Variants in DNAJC16 observed in about 807,000 individuals in gnomAD.
DNAJC16 encodes the protein DnaJ heat shock protein family (Hsp40) member C16.
DNAJC16 carries 76 observed loss-of-function variants against 92.7 expected under a neutral mutation model. That is an observed-to-expected ratio of 0.82 (90% CI 0.68 to 0.99). DNAJC16 has a LOEUF of 0.99. Among genes scored for constraint, DNAJC16 ranks in the 50% least tolerant of loss-of-function variants. The pLI, the probability that DNAJC16 is intolerant of heterozygous loss-of-function variation, is 0.00. For synonymous variants in DNAJC16, 328 were observed against 358.7 expected, an observed-to-expected ratio of 0.91 and a Z score of 0.97; for missense variants, 869 against 942.4, an observed-to-expected ratio of 0.92 and a Z score of 1.02.
Position 15,529,172 on chromosome 1 carries a change from C to G in DNAJC16, c.67C>G (p.Leu23Val), listed in dbSNP as rs1450047499. ...LIVLVLILQI[L>V]SALDFDPYRV... ...AGTTCTGGTTCTGATCCTGCAAATT[C>G]TGTCTGCGTTGGATTTTGACCCATA... Residue 23 changes from leucine to valine, a missense_variant, in exon 2 of 15, where the codon CTG (leucine) becomes GTG (valine). Transcript: ENST00000375847. 6.2e-7 allele frequency: 1 copy of G among 1,614,092 alleles called. No homozygotes were observed. The highest frequency in any genetic ancestry group is 1.1e-5 in the South Asian group (1 of 91,080).
In DNAJC16 at chr1:15,530,346, C is replaced by CAA. The variant is rs397798733; in HGVS notation, c.167+1084_167+1085dup. 1.6e-3 allele frequency among the ~76,000 whole-genome samples: 238 copies of CAA among 148,298 alleles called. 1 individual carries two copies. The South Asian group carries it at 0.023, about 14-fold the overall frequency. ...CTGGGCAACAGAGTGAGACCCGTCT[C>CAA]AAAAAAAAAAACTTACAGAAAATTG... On this transcript the variant is annotated intron_variant, in intron 2 of 14. Coordinates refer to ENST00000375847, the MANE Select transcript of DNAJC16 (RefSeq NM_015291.4).
chr1:15,536,378 CTGCATTTAT>C (rs1390899571), intron 3 of DNAJC16, 88 bp from the exon 4 acceptor site: 1 of 1,027,442 alleles, frequency 9.7e-7, no homozygotes, highest in South Asian at 1.8e-5. Context: ...CCACGACTGG[CTGCATTTAT>C]TTTCTTCCTA....
Position 15,536,646 on chromosome 1 carries a change from G to A in DNAJC16, c.406G>A (p.Asp136Asn). Residue 136 changes from aspartate (D) to asparagine (N), a missense_variant, in exon 4 of 15, where the codon GAC (aspartate) becomes AAC (asparagine). Transcript: ENST00000375847. ...CTTCCCTTTTAATTCTGAACGGCGGGACTCAATTGACGAAAAGTATTTATT... is the reference window on the plus strand; with the variant it reads ...CTTCCCTTTTAATTCTGAACGGCGGAACTCAATTGACGAAAAGTATTTATT... ...FHFPFNSERR[D>N]SIDEKYLLHF... The A allele has an allele frequency of 6.2e-7, 1 of 1,614,036 alleles. No homozygotes were observed. The highest frequency in any genetic ancestry group is 8.5e-7 in the Non-Finnish European group (1 of 1,180,012).
intron 4 of DNAJC16, among the ~76,000 whole-genome samples, chr1:15,538,401 AAAAAAT>A (rs1285349883): frequency 1.3e-5 from 2 of 151,378 alleles, no homozygotes; most frequent in Non-Finnish European, 2.9e-5. Flanking sequence ...TCTCAAGAAA[AAAAAAT>A]AAAAAGAAAA....
chr1:15,569,775 G>A lies in DNAJC16; in HGVS notation c.*1598G>A, dbSNP rs1318226922. The A allele has an allele frequency of 3.3e-5, 5 of 151,922 alleles. No individual in the cohort carries two copies. Among genetic ancestry groups the A allele is most frequent in the African/African-American group, 1.2e-4 (5 of 41,360 alleles). 9.4% of individuals were successfully genotyped at this position (151,922 alleles called of 1,614,324 possible). On this transcript the variant is annotated 3_prime_UTR_variant, in exon 15 of 15. Coordinates refer to ENST00000375847, the MANE Select transcript of DNAJC16 (RefSeq NM_015291.4). ...CCTGCCTCAGCCTCCTGAGTAGCTAGGATTACAGGCATGTGCCACCATGTA... is the reference window on the plus strand; with the variant it reads ...CCTGCCTCAGCCTCCTGAGTAGCTAAGATTACAGGCATGTGCCACCATGTA...
chr1:15,565,496 T>A, intron 11 of DNAJC16: 2 of 185,106 alleles, frequency 1.1e-5, no homozygotes, highest in Non-Finnish European at 2.2e-5. Flanking sequence ...AGATGAAATC[T>A]TGAAAGATCA....
chr1:15,535,713 G>C (rs1710762848), intron 3 of DNAJC16, among the ~76,000 whole-genome samples: 1 of 152,080 alleles, frequency 6.6e-6, no homozygotes, highest in Non-Finnish European at 1.5e-5. Context: ...CTGGGTGACA[G>C]AGTGAGACTC....
chr1:15,562,116 T>C (rs765495191), intron 8 of DNAJC16, 26 bp from the exon 9 acceptor site: 10 of 1,604,192 alleles, frequency 6.2e-6, no homozygotes, highest in African/African-American at 1.3e-5. Flanking sequence ...GGATTGGTTA[T>C]AAAGTTTTGT....
chr1:15,563,992 T>G lies in DNAJC16; in HGVS notation c.1402T>G (p.Trp468Gly), dbSNP rs1338371930. 1 of 1,614,058 alleles carries G rather than the reference T, an allele frequency of 6.2e-7. No individual in the cohort carries two copies. The highest frequency in any genetic ancestry group is 1.3e-5 in the African/African-American group (1 of 74,930). The stretch of plus-strand genomic sequence containing the variant: ...GGTGTATAAAACCCTGGAAGACCCT[T>G]GGATTGGGAGTGAGAGTGACAAATT... The part of the protein sequence containing the change: ...RVVYKTLEDP[W>G]IGSESDKFIL... The change falls in exon 10 of 15, where the codon TGG (tryptophan) becomes GGG (glycine). Residue 468 changes from tryptophan to glycine, a missense_variant. Transcript: ENST00000375847.
At chr1:15,526,982 G>A (rs1710529375) in intron 1 of DNAJC16, 24 bp downstream of exon 1, 1 of 152,364 alleles carries the variant, frequency 6.6e-6, no homozygotes, top group Non-Finnish European at 1.5e-5. Context: ...GGCGTGACGC[G>A]CGGAACCGCG....
chr1:15,544,331 A>T (rs1638233025), intron 4 of DNAJC16, 68 bp from the exon 5 acceptor site: 9 of 1,465,574 alleles, frequency 6.1e-6, no homozygotes, highest in Non-Finnish European at 8.2e-6. Flanking sequence ...CCAAAAAATT[A>T]CTTAGCACTT....
rs760479157 is a variant in DNAJC16, at chr1:15,544,401, G to A, written c.577G>A (p.Val193Ile). The A allele has an allele frequency of 3.7e-6, 6 of 1,608,576 alleles. No individual in the cohort carries two copies. The Admixed American group carries it at 1.0e-4, about 27-fold the overall frequency. ...TTTGGATCTTCCATTCTTTTCAGGTGTAGGAATTGGCGTGGTCCATGCTGG... is the reference window on the plus strand; with the variant it reads ...TTTGGATCTTCCATTCTTTTCAGGTATAGGAATTGGCGTGGTCCATGCTGG... ...EVIQELEELGVGIGVVHAGYE... is the reference protein window; with the variant it reads ...EVIQELEELGIGIGVVHAGYE... Residue 193 changes from valine (V) to isoleucine (I), a missense_variant and splice_region_variant, in exon 5 of 15, where the codon GTA becomes ATA. Val to Ile is a conservative substitution (Grantham distance 29, BLOSUM62 3). Transcript: ENST00000375847.
chr1:15,563,129 T>TAA (rs893358491), intron 9 of DNAJC16, among the ~76,000 whole-genome samples: 47 of 152,044 alleles, frequency 3.1e-4, no homozygotes, highest in African/African-American at 1.0e-3. Flanking sequence ...AAAATCTCTC[T>TAA]AAAAAACAAA....
chr1:15,563,731 C>G (rs1055884281), intron 9 of DNAJC16, among the ~76,000 whole-genome samples, 198 bp from the exon 10 acceptor site: 1 of 149,498 alleles, frequency 6.7e-6, no homozygotes, highest in Non-Finnish European at 1.5e-5. Context: ...TGCCTCTAGT[C>G]CCAGCCACTT....
At chr1:15,548,542 C>A in intron 7 of DNAJC16, 114 bp downstream of exon 7, 1 of 1,045,320 alleles carries the variant, frequency 9.6e-7, no homozygotes, top group South Asian at 2.6e-5. Flanking sequence ...CCTTCAGATG[C>A]ACAAAATTTT....
Position 15,538,401 on chromosome 1 carries a change from A to T in DNAJC16, c.574+1587A>T, listed in dbSNP as rs550986780. On this transcript the variant is annotated intron_variant, in intron 4 of 14. Coordinates refer to ENST00000375847, the MANE Select transcript of DNAJC16 (RefSeq NM_015291.4). ...CAGAGCGAGACTCTGTCTCAAGAAA[A>T]AAAAATAAAAAGAAAAAAAGGAAGA... Among the ~76,000 whole-genome samples, 146 of 151,378 alleles carry T rather than the reference A, an allele frequency of 9.6e-4. 1 individual carries two copies. Among genetic ancestry groups the T allele is most frequent in the African/African-American group, 3.5e-3 (144 of 41,206 alleles).
chr1:15,559,128 C>T (rs1384086335), intron 7 of DNAJC16, among the ~76,000 whole-genome samples: 2 of 152,146 alleles, frequency 1.3e-5, no homozygotes, highest in South Asian at 2.1e-4. Context: ...TTAGCAGAGA[C>T]GGGGTTTCAC....
intron 3 of DNAJC16, among the ~76,000 whole-genome samples, chr1:15,535,592 A>G (rs1275844554): frequency 1.3e-5 from 2 of 152,036 alleles, no homozygotes; most frequent in Non-Finnish European, 2.9e-5. Flanking sequence ...AAAATTAGCC[A>G]GGCATGGTGG....
intron 3 of DNAJC16, among the ~76,000 whole-genome samples, chr1:15,535,382 T>C (rs1710755563): frequency 6.6e-6 from 1 of 152,230 alleles, no homozygotes; most frequent in Non-Finnish European, 1.5e-5. Flanking sequence ...TGAAATATTT[T>C]AGTCTTGAAT....
Sources: gnomAD v4.1 joint callset for allele counts (sites outside exome capture counted in the v4.1 genomes callset) on GRCh38, gnomAD v4.1.1 for gene constraint, MANE v1.5 for transcripts, NCBI Gene and HGNC (gene_info 2026-07-23, HGNC 2026-07-21) for gene names.